MAST4: variants seen among roughly 807,000 people sequenced by gnomAD.
MAST4 encodes microtubule associated serine/threonine kinase family member 4.
A neutral mutation model predicts 162.7 loss-of-function variants in MAST4; 89 were observed. The ratio of observed to expected loss-of-function variants is 0.55; its 90% CI spans 0.46 to 0.65. The LOEUF (loss-of-function observed/expected upper bound fraction) is 0.65. Among genes scored for constraint, MAST4 ranks in the 30% least tolerant of loss-of-function variants. The pLI, the probability that MAST4 is intolerant of heterozygous loss-of-function variation, is 0.00. For synonymous variants in MAST4, 1,479 were observed against 1,361.1 expected (o/e 1.09, Z -1.91); for missense variants, 3,153 against 3,374.0 (o/e 0.93, Z 1.62).
rs183068162 is a variant in MAST4 at position 67,033,856 on chromosome 5, C to T, written c.675-20548C>T. ...GTCAAATAATATGGCATTGTGAATCCGCATCTACGTATGCCATCCATCTGC... is the reference window on the plus strand; with the variant it reads ...GTCAAATAATATGGCATTGTGAATCTGCATCTACGTATGCCATCCATCTGC... On this transcript the variant is annotated intron_variant, in intron 4 of 28. Coordinates refer to ENST00000403625, the MANE Select transcript of MAST4 (RefSeq NM_001164664.2). Among the ~76,000 whole-genome samples the T allele has an allele frequency of 3.5e-4, 53 of 152,104 alleles. 1 individual carries two copies. Among genetic ancestry groups the T allele is most frequent in the African/African-American group, 1.2e-3 (49 of 41,496 alleles).
chr5:67,157,911 C>A (rs72763058), intron 26 of MAST4, among the ~76,000 whole-genome samples: 12,235 of 152,190 alleles, frequency 0.08, 744 homozygotes, highest in African/African-American at 0.17. Flanking sequence ...AAAAATAAAT[C>A]TATGCTTTTA....
At chr5:66,875,390 C>A (rs968079332) in intron 3 of MAST4, among the ~76,000 whole-genome samples, 11 of 152,264 alleles carry the variant, frequency 7.2e-5, no homozygotes, top group African/African-American at 2.6e-4. Flanking sequence ...CATAAATTAT[C>A]TTTGGTCCTA....
In MAST4 at chr5:66,837,420, T is replaced by G. The variant is rs559900353; in HGVS notation, c.642+48626T>G. Among the ~76,000 whole-genome samples the G allele has an allele frequency of 2.0e-4, 31 of 152,298 alleles. 1 individual carries two copies. Among genetic ancestry groups the G allele is most frequent in the African/African-American group, 4.6e-4 (19 of 41,568 alleles). On this transcript the variant is annotated intron_variant, in intron 3 of 28. Coordinates refer to ENST00000403625, the MANE Select transcript of MAST4 (RefSeq NM_001164664.2). Reference sequence around the variant, plus strand: ...TATAATTAGTTAAATAAGTGGGTTTTGGGTGCCTGTTTTTAACTTTGCTTT... The same window carrying G: ...TATAATTAGTTAAATAAGTGGGTTTGGGGTGCCTGTTTTTAACTTTGCTTT...
intron 26 of MAST4, among the ~76,000 whole-genome samples, chr5:67,157,267 T>C (rs889765661): frequency 6.6e-6 from 1 of 152,254 alleles, no homozygotes; most frequent in South Asian, 2.1e-4. Context: ...TCTGCATCCT[T>C]TGTGTCTGTA....
intron 4 of MAST4, among the ~76,000 whole-genome samples, chr5:67,039,363 A>G (rs1298448093): frequency 2.0e-5 from 3 of 152,230 alleles, no homozygotes; most frequent in African/African-American, 7.2e-5. Flanking sequence ...TCTGCTTAGC[A>G]GTACTTCCAT....
intron 3 of MAST4, among the ~76,000 whole-genome samples, chr5:66,860,312 T>TA (rs1561389829): frequency 6.6e-6 from 1 of 152,184 alleles, no homozygotes; most frequent in Non-Finnish European, 1.5e-5. Flanking sequence ...GCTAACTATT[T>TA]AAAAAATCAC....
At chr5:67,040,282 A>T (rs1260343855) in intron 4 of MAST4, among the ~76,000 whole-genome samples, 1 of 152,184 alleles carries the variant, frequency 6.6e-6, no homozygotes, top group Admixed American at 6.5e-5. Context: ...AACAAAAAAA[A>T]ATCTGCTGCA....
chr5:66,959,944 C>T (rs1233301188), intron 4 of MAST4, among the ~76,000 whole-genome samples: 3 of 151,932 alleles, frequency 2.0e-5, no homozygotes, highest in African/African-American at 4.8e-5. Context: ...TAATTTGTGG[C>T]GCAGAAGTTA....
chr5:66,931,309 C>T (rs775882766), intron 4 of MAST4, among the ~76,000 whole-genome samples: 31 of 152,020 alleles, frequency 2.0e-4, no homozygotes, highest in Non-Finnish European at 3.4e-4. Flanking sequence ...TATTTCTGAT[C>T]GCAGGTCCTA....
intron 4 of MAST4, chr5:66,902,621 T>G (rs979270944): frequency 5.3e-5 from 23 of 436,188 alleles, no homozygotes; most frequent in Non-Finnish European, 9.8e-5. Flanking sequence ...ACTTGAAGAC[T>G]CTCTTGTTTT....
At chr5:67,038,639 G>A (rs767043628) in intron 4 of MAST4, among the ~76,000 whole-genome samples, 2 of 152,108 alleles carry the variant, frequency 1.3e-5, no homozygotes, top group Non-Finnish European at 2.9e-5. Flanking sequence ...TAGAAAGACA[G>A]CATAACCTCA....
intron 1 of MAST4, among the ~76,000 whole-genome samples, chr5:66,728,131 A>G (rs948604889): frequency 6.6e-6 from 1 of 152,188 alleles, no homozygotes; most frequent in African/African-American, 2.4e-5. Context: ...ATTTAAAATA[A>G]ATGGCTACTG....
At chr5:66,776,057 T>C (rs559926341) in intron 2 of MAST4, among the ~76,000 whole-genome samples, 13 of 152,346 alleles carry the variant, frequency 8.5e-5, no homozygotes, top group Middle Eastern at 3.4e-3. Flanking sequence ...AATACACGAT[T>C]ATGTGAATTA....
chr5:67,110,106 T>G lies in MAST4; in HGVS notation c.1365T>G (p.Asp455Glu), dbSNP rs1358409029. Residue 455 changes from aspartate to glutamate, a missense_variant, in exon 11 of 29, where the codon GAT becomes GAG. Coordinates refer to ENST00000403625, the MANE Select transcript of MAST4 (RefSeq NM_001164664.2). ...KLDKLLQEAH[D>E]RSESGELAFI... is the part of the protein sequence containing the mutation. Reference sequence around the variant, plus strand: ...TTATTGCTTTTTCATAGGCTCATGATCGTTCAGAAAGTGGAGAATTGGCAT... The same window carrying G: ...TTATTGCTTTTTCATAGGCTCATGAGCGTTCAGAAAGTGGAGAATTGGCAT... 1.1e-5 allele frequency: 18 copies of G among 1,612,464 alleles called. No homozygotes were observed. The highest frequency in any genetic ancestry group is 1.4e-5 in the Non-Finnish European group (17 of 1,178,498).
chr5:66,720,911 A>G (rs77664664), intron 1 of MAST4, among the ~76,000 whole-genome samples: 2,906 of 152,184 alleles, frequency 0.019, 92 homozygotes, highest in African/African-American at 0.065. Context: ...GAAAATGGAA[A>G]CAGAAGAGAG....
chr5:66,789,619 A>T (rs1755290250), intron 3 of MAST4: 1 of 436,542 alleles, frequency 2.3e-6, no homozygotes, highest in African/African-American at 2.0e-5. Flanking sequence ...GACACTGGTG[A>T]TGTCAAGTCC....
At chr5:67,156,080 A>G (rs908672362) in intron 26 of MAST4, among the ~76,000 whole-genome samples, 1 of 150,686 alleles carries the variant, frequency 6.6e-6, no homozygotes, top group African/African-American at 2.4e-5. Flanking sequence ...AAAAAAAAAG[A>G]CACGTAAGGA....
intron 12 of MAST4, among the ~76,000 whole-genome samples, chr5:67,115,867 CTTTTAATTTGTTTTT>C (rs1211865234): frequency 6.6e-6 from 1 of 151,682 alleles, no homozygotes; most frequent in Non-Finnish European, 1.5e-5. Context: ...ACAGAACCAT[CTTTTAATTTGTTTTT>C]TTTTTTATGA....
chr5:66,768,971 G>C (rs1754237797), intron 2 of MAST4, among the ~76,000 whole-genome samples: 1 of 152,106 alleles, frequency 6.6e-6, no homozygotes, highest in African/African-American at 2.4e-5. Flanking sequence ...GGGGGAAGGG[G>C]TTCAGTTGGG....
Sources: gnomAD v4.1 joint callset for allele counts (sites outside exome capture counted in the v4.1 genomes callset) on GRCh38, gnomAD v4.1.1 for gene constraint, MANE v1.5 for transcripts, NCBI Gene and HGNC (gene_info 2026-07-23, HGNC 2026-07-21) for gene names.